PRTG: variants seen among roughly 807,000 people sequenced by gnomAD.
The protein encoded by PRTG is protogenin, also known as immunoglobulin superfamily, DCC subclass, member 5.
A neutral mutation model predicts 122.5 loss-of-function variants in PRTG; 67 were observed. The observed-to-expected ratio is 0.55, with a 90% CI of 0.45 to 0.67. The LOEUF is 0.67. Ranked by LOEUF, PRTG falls within the 30% of genes least tolerant of loss-of-function variation. The pLI is 0.00. For synonymous variants in PRTG, 554 were observed against 501.1 expected (o/e 1.11, Z -1.41); for missense variants, 1,435 against 1,415.4 (o/e 1.01, Z -0.22).
chr15:55,615,677 G>A lies in PRTG; in HGVS notation c.*4335C>T, dbSNP rs1166979451. ...TGGCAAATGGTCAGGAAGAAAGTCT[G>A]CAAAACACATGTGCAGTCTTAGTGA... is the stretch of plus-strand genomic sequence containing the variant. On this transcript the variant is annotated 3_prime_UTR_variant, in exon 20 of 20. Coordinates refer to ENST00000389286, the MANE Select transcript of PRTG (RefSeq NM_173814.6). The A allele has an allele frequency of 1.3e-5, 2 of 151,966 alleles. No homozygotes were observed. Among genetic ancestry groups the A allele is most frequent in the African/African-American group, 4.8e-5 (2 of 41,402 alleles). 9.4% of individuals were successfully genotyped at this position (151,966 alleles called of 1,614,324 possible). A position where few individuals can be genotyped will look rare whatever the true frequency, so the allele number is the denominator to read the frequency against.
At chr15:55,680,882 C>A (rs1411593280) in intron 4 of PRTG, among the ~76,000 whole-genome samples, 1 of 152,082 alleles carries the variant, frequency 6.6e-6, no homozygotes, top group Non-Finnish European at 1.5e-5. Context: ...ATCCCAAACC[C>A]ATTAGCAGTC....
chr15:55,697,118 T>C (rs1219440167), intron 2 of PRTG, among the ~76,000 whole-genome samples: 2 of 152,222 alleles, frequency 1.3e-5, no homozygotes, highest in Middle Eastern at 3.2e-3. Context: ...GTTCAATTTA[T>C]TTGGCCAGAA....
chr15:55,715,380 T>C (rs2030561261), intron 2 of PRTG, among the ~76,000 whole-genome samples: 2 of 152,262 alleles, frequency 1.3e-5, no homozygotes, highest in Admixed American at 6.5e-5. Context: ...GATTGATTCA[T>C]TGATTCTATA....
In PRTG at chr15:55,716,021, T is replaced by C. The variant is rs187967788; in HGVS notation, c.397+24361A>G. On this transcript the variant is annotated intron_variant, in intron 2 of 19. Coordinates refer to ENST00000389286, the MANE Select transcript of PRTG (RefSeq NM_173814.6). ...TCCAAAAACTATCATATAGACACAG[T>C]ATAGTATTCTCCTTGAAAATAAAAG... Among the ~76,000 whole-genome samples, 14 of 152,344 alleles carry C rather than the reference T, an allele frequency of 9.2e-5. No homozygotes were observed. The East Asian group carries it at 2.5e-3, about 27-fold the overall frequency.
At position 55,693,771 on chromosome 15, in the gene PRTG, T is replaced by G. The variant is rs373181928; in HGVS notation, c.398-9840A>C. On this transcript the variant is annotated intron_variant, in intron 2 of 19. Coordinates refer to ENST00000389286, the MANE Select transcript of PRTG (RefSeq NM_173814.6). ...TAAATTATATATACATATACATATG[T>G]GTACCCAGGCACTGCTTGTTACCTA... Among the ~76,000 whole-genome samples the G allele has an allele frequency of 3.9e-5, 6 of 152,180 alleles. No homozygotes were observed. The East Asian group carries it at 5.8e-4, about 15-fold the overall frequency.
At chr15:55,728,006 A>T (rs1482423172) in intron 2 of PRTG, among the ~76,000 whole-genome samples, 1 of 152,040 alleles carries the variant, frequency 6.6e-6, no homozygotes, top group Non-Finnish European at 1.5e-5. Flanking sequence ...CTGGGACTAT[A>T]GGTGTGTCCC....
chr15:55,700,858 G>A (rs2059659682), intron 2 of PRTG, among the ~76,000 whole-genome samples: 1 of 152,160 alleles, frequency 6.6e-6, no homozygotes. Flanking sequence ...CAGACTTGGA[G>A]AGAAAATTTT....
intron 4 of PRTG, 117 bp downstream of exon 4, chr15:55,682,247 G>C: frequency 1.1e-6 from 1 of 878,674 alleles, no homozygotes; most frequent in South Asian, 4.0e-5. Context: ...TTTCCAAATA[G>C]ATTATAATAA....
At chr15:55,703,792 T>C (rs1426149596) in intron 2 of PRTG, among the ~76,000 whole-genome samples, 1 of 152,246 alleles carries the variant, frequency 6.6e-6, no homozygotes, top group Non-Finnish European at 1.5e-5. Context: ...TGTCTCCATA[T>C]GGCACTCTCA....
chr15:55,629,077 T>A (rs2059211344), intron 15 of PRTG, 73 bp from the exon 16 acceptor site: 1 of 953,544 alleles, frequency 1.0e-6, no homozygotes, highest in Non-Finnish European at 1.5e-6. Flanking sequence ...ACAAACACGT[T>A]CCTTTATTTT....
At chr15:55,646,215 T>C (rs376485726) in intron 11 of PRTG, among the ~76,000 whole-genome samples, 1 of 148,768 alleles carries the variant, frequency 6.7e-6, no homozygotes, top group African/African-American at 2.5e-5. Flanking sequence ...GGTTTCACCA[T>C]GTTGGCCAGG....
At chr15:55,740,982 A>C (rs1202604847) in intron 1 of PRTG, among the ~76,000 whole-genome samples, 1 of 152,184 alleles carries the variant, frequency 6.6e-6, no homozygotes, top group Non-Finnish European at 1.5e-5. Context: ...CATCAGGAAA[A>C]CTCATGAGCA....
intron 11 of PRTG, among the ~76,000 whole-genome samples, chr15:55,642,453 C>G (rs1302591086): frequency 6.6e-6 from 1 of 151,832 alleles, no homozygotes; most frequent in Non-Finnish European, 1.5e-5. Flanking sequence ...CCCATCTCTA[C>G]TAAAAATACA....
At chr15:55,642,819 T>TA (rs2059300001) in intron 11 of PRTG, among the ~76,000 whole-genome samples, 1 of 152,178 alleles carries the variant, frequency 6.6e-6, no homozygotes, top group South Asian at 2.1e-4. Context: ...ATGGGTGCAG[T>TA]AACTCACACC....
intron 16 of PRTG, among the ~76,000 whole-genome samples, 181 bp from the exon 17 acceptor site, chr15:55,627,309 TCTC>T (rs2059200328): frequency 6.6e-6 from 1 of 151,294 alleles, no homozygotes; most frequent in African/African-American, 2.4e-5. Context: ...GAGACAGATT[TCTC>T]TTCCAATATT....
Position 55,637,160 on chromosome 15 carries a change from T to A in PRTG, c.2623+10A>T. On this transcript the variant is annotated intron_variant, in intron 15 of 19. Coordinates refer to ENST00000389286, the MANE Select transcript of PRTG (RefSeq NM_173814.6). Reference sequence around the variant, plus strand: ...ACTTTTCACCCTTCATGGCAATTTATGATATTTACCTTCACGGTGTAAGAC... The same window carrying A: ...ACTTTTCACCCTTCATGGCAATTTAAGATATTTACCTTCACGGTGTAAGAC... The A allele has an allele frequency of 1.3e-6, 2 of 1,514,270 alleles. No homozygotes were observed. The highest frequency in any genetic ancestry group is 1.8e-6 in the Non-Finnish European group (2 of 1,126,728). 93.8% of individuals were successfully genotyped at this position (1,514,270 alleles called of 1,614,324 possible). A position where few individuals can be genotyped will look rare whatever the true frequency, so the allele number is the denominator to read the frequency against.
chr15:55,740,354 G>A, intron 2 of PRTG, 28 bp downstream of exon 2: 1 of 1,543,988 alleles, frequency 6.5e-7, no homozygotes, highest in Non-Finnish European at 8.7e-7. Flanking sequence ...AATGAAAAAT[G>A]TCAACAACTA....
At position 55,620,580 on chromosome 15, in the gene PRTG, C is replaced by G. The variant is rs112212750; in HGVS notation, c.3198+83G>C. 2.2e-3 allele frequency: 3,309 copies of G among 1,491,446 alleles called. 63 individuals carry two copies. The African/African-American group carries it at 0.036, about 16-fold the overall frequency. 92.4% of individuals were successfully genotyped at this position (1,491,446 alleles called of 1,614,324 possible). ...AAGAACACAGAAAATTAAAATAAAG[C>G]ATGAATTCACATTTTCCTCTTTTTA... On this transcript the variant is annotated intron_variant, in intron 19 of 19. Coordinates refer to ENST00000389286, the MANE Select transcript of PRTG (RefSeq NM_173814.6).
At chr15:55,648,820 C>T (rs187021318) in intron 11 of PRTG, among the ~76,000 whole-genome samples, 125 of 152,214 alleles carry the variant, frequency 8.2e-4, no homozygotes, top group African/African-American at 2.8e-3. Context: ...CTGTATTGGC[C>T]GGGCACGGTG....
Sources: gnomAD v4.1 joint callset for allele counts (sites outside exome capture counted in the v4.1 genomes callset) on GRCh38, gnomAD v4.1.1 for gene constraint, MANE v1.5 for transcripts, NCBI Gene and HGNC (gene_info 2026-07-23, HGNC 2026-07-21) for gene names.